Variants in ELOVL2 observed in about 807,000 individuals in gnomAD.
The protein encoded by ELOVL2 is very long chain fatty acid elongase 2.
Under a neutral mutation model 37.7 loss-of-function variants are expected in ELOVL2, and 38 were observed. That is an observed-to-expected ratio of 1.01 (90% CI 0.78 to 1.32). The LOEUF (loss-of-function observed/expected upper bound fraction) is 1.32. Among genes scored for constraint, ELOVL2 ranks in the 40% most tolerant of loss-of-function variants. The pLI, the probability that ELOVL2 is intolerant of heterozygous loss-of-function variation, is 0.00. For missense variants in ELOVL2, 352 were observed against 363.6 expected, an observed-to-expected ratio of 0.97 and a Z score of 0.26; for synonymous variants, 115 against 122.3, an observed-to-expected ratio of 0.94 and a Z score of 0.40.
chr6:10,994,957 G>A (rs755381728), intron 5 of ELOVL2, 50 bp downstream of exon 5: 4 of 1,399,482 alleles, frequency 2.9e-6, no homozygotes, highest in Admixed American at 2.0e-5. Flanking sequence ...CAGCACCAGT[G>A]GTCTCTAAGA....
chr6:11,043,833 G>A (rs1030648412), intron 1 of ELOVL2: 3 of 176,856 alleles, frequency 1.7e-5, no homozygotes, highest in Non-Finnish European at 3.5e-5. Flanking sequence ...CAGGTTCGGG[G>A]GTCCGGAGGG....
At chr6:11,003,939 C>T (rs577199675) in intron 3 of ELOVL2, among the ~76,000 whole-genome samples, 3 of 151,834 alleles carry the variant, frequency 2.0e-5, no homozygotes, top group Non-Finnish European at 4.4e-5. Flanking sequence ...AAAAATTAGC[C>T]AGGATTGGTG....
At chr6:11,023,936 A>C (rs1782805040) in intron 1 of ELOVL2, among the ~76,000 whole-genome samples, 1 of 152,218 alleles carries the variant, frequency 6.6e-6, no homozygotes. Flanking sequence ...AGAGTATTAC[A>C]AACTAACTTT....
chr6:11,018,678 G>A (rs1356225448), intron 1 of ELOVL2, among the ~76,000 whole-genome samples: 1 of 152,158 alleles, frequency 6.6e-6, no homozygotes, highest in African/African-American at 2.4e-5. Flanking sequence ...GTCACATTTT[G>A]AGTAGCAACA....
intron 2 of ELOVL2, 40 bp downstream of exon 2, chr6:11,010,706 T>G: frequency 6.8e-7 from 1 of 1,480,500 alleles, no homozygotes; most frequent in Non-Finnish European, 9.4e-7. Flanking sequence ...GTGTTCTTCC[T>G]GTGTTCCTTC....
chr6:10,984,721 T>C (rs2113460181), intron 7 of ELOVL2, among the ~76,000 whole-genome samples: 1 of 151,516 alleles, frequency 6.6e-6, no homozygotes, highest in South Asian at 2.1e-4. Flanking sequence ...TAGTATTCCA[T>C]GGTGTATATG....
chr6:11,029,702 T>A (rs1316066612), intron 1 of ELOVL2, among the ~76,000 whole-genome samples: 1 of 152,186 alleles, frequency 6.6e-6, no homozygotes, highest in Non-Finnish European at 1.5e-5. Flanking sequence ...AAAGGGAGAA[T>A]AACAAAATTC....
intron 1 of ELOVL2, among the ~76,000 whole-genome samples, chr6:11,035,758 A>G (rs1782996386): frequency 6.6e-6 from 1 of 152,196 alleles, no homozygotes; most frequent in African/African-American, 2.4e-5. Context: ...TGGTCCAAAC[A>G]CTGCTGACTT....
intron 5 of ELOVL2, 152 bp from the exon 6 acceptor site, chr6:10,990,594 A>G: frequency 1.4e-6 from 1 of 698,034 alleles, no homozygotes. Flanking sequence ...AAATTCCCCA[A>G]TTACTGTGCC....
chr6:11,000,252 CT>C, intron 3 of ELOVL2, 88 bp from the exon 4 acceptor site: 1 of 1,252,638 alleles, frequency 8.0e-7, no homozygotes. Context: ...TCTCTGGCAT[CT>C]GTTCAAGGTT....
At chr6:11,016,719 C>T (rs566957563) in intron 1 of ELOVL2, among the ~76,000 whole-genome samples, 1 of 152,194 alleles carries the variant, frequency 6.6e-6, no homozygotes, top group Non-Finnish European at 1.5e-5. Context: ...ATGTTGAAAC[C>T]TCTTTTGGTA....
At chr6:10,992,929 A>G (rs1782192444) in intron 5 of ELOVL2, among the ~76,000 whole-genome samples, 2 of 152,238 alleles carry the variant, frequency 1.3e-5, no homozygotes, top group Admixed American at 1.3e-4. Context: ...ATAGTAGCTC[A>G]CACCTCTAAT....
At chr6:11,009,883 A>G (rs1782542623) in intron 2 of ELOVL2, among the ~76,000 whole-genome samples, 1 of 152,152 alleles carries the variant, frequency 6.6e-6, no homozygotes, top group Non-Finnish European at 1.5e-5. Flanking sequence ...TGAATAAATG[A>G]CTGGAAGGGG....
intron 3 of ELOVL2, among the ~76,000 whole-genome samples, chr6:11,003,767 G>T (rs751331757): frequency 2.6e-5 from 4 of 152,320 alleles, no homozygotes; most frequent in Non-Finnish European, 2.9e-5. Context: ...GTAGATTCGT[G>T]AGCACCTATG....
In ELOVL2 at chr6:10,990,436, A is replaced by C; in HGVS notation, c.512T>G (p.Phe171Cys). 3 of 1,589,866 alleles carry C rather than the reference A, an allele frequency of 1.9e-6. No homozygotes were observed. The highest frequency in any genetic ancestry group is 8.5e-7 in the Non-Finnish European group (1 of 1,172,866). The change falls in exon 6 of 8, where the codon TTT becomes TGT. Residue 171 changes from phenylalanine to cysteine, a missense_variant. Coordinates refer to ENST00000354666, the MANE Select transcript of ELOVL2 (RefSeq NM_017770.4). ...LNWIPCGQSF[F>C]GPTLNSFIHI... The stretch of plus-strand genomic sequence containing the variant: ...GATAAAACTGTTCAGTGTTGGTCCA[A>C]AGAAACCTATAAAAGTACAGTATAA...
intron 1 of ELOVL2, among the ~76,000 whole-genome samples, chr6:11,033,346 T>G (rs1333720906): frequency 6.6e-6 from 1 of 152,250 alleles, no homozygotes; most frequent in Non-Finnish European, 1.5e-5. Context: ...CTTAAGAGTT[T>G]CTGATGTATT....
Position 10,988,340 on chromosome 6 carries a change from G to A in ELOVL2, c.765+1363C>T, listed in dbSNP as rs560916845. Among the ~76,000 whole-genome samples the A allele has an allele frequency of 7.2e-5, 11 of 152,310 alleles. No homozygotes were observed. In the South Asian group the frequency reaches 1.9e-3, roughly 26 times the overall value. Reference sequence around the variant, plus strand: ...AGCACTCTGGGAGGCCAAGGTGGGCGGATCACCTGAGGTCAGGAGTTCAAG... The same window carrying A: ...AGCACTCTGGGAGGCCAAGGTGGGCAGATCACCTGAGGTCAGGAGTTCAAG... On this transcript the variant is annotated intron_variant, in intron 7 of 7. Coordinates refer to ENST00000354666, the MANE Select transcript of ELOVL2 (RefSeq NM_017770.4).
Position 10,989,817 on chromosome 6 carries a change from G to C in ELOVL2, c.651C>G (p.Ile217Met). The C allele has an allele frequency of 1.9e-6, 3 of 1,614,198 alleles. No individual in the cohort carries two copies. The highest frequency in any genetic ancestry group is 2.5e-6 in the Non-Finnish European group (3 of 1,180,032). ...TCACGACGGCGCTCATGGTGTGCGT[G>C]ATGGTGAGCACGAACTGCACCTGGG... ...QAQLVQFVLT[I>M]THTMSAVVKP... Residue 217 changes from isoleucine (I) to methionine (M), a missense_variant, in exon 7 of 8, where the codon ATC becomes ATG. Transcript: ENST00000354666.
Position 11,019,806 on chromosome 6 carries a change from C to T in ELOVL2, c.4-8997G>A, listed in dbSNP as rs565486196. 5.5e-4 allele frequency among the ~76,000 whole-genome samples: 83 copies of T among 149,960 alleles called. 1 individual carries two copies. Among genetic ancestry groups the T allele is most frequent in the African/African-American group, 1.9e-3 (76 of 40,554 alleles). On this transcript the variant is annotated intron_variant, in intron 1 of 7. Transcript: ENST00000354666. ...TTGCCCAGGCTGGAGTGCAGTGGTG[C>T]GATCTCAGCTCACTGCAACCTCCGC...
Sources: allele counts gnomAD v4.1 joint callset (sites outside exome capture counted in the v4.1 genomes callset), GRCh38; gene constraint gnomAD v4.1.1; transcripts MANE v1.5; gene names NCBI Gene and HGNC (gene_info 2026-07-23, HGNC 2026-07-21).